The following THSD7A variants were observed in gnomAD, a reference collection of about 807,000 sequenced individuals.
The protein encoded by THSD7A is thrombospondin type 1 domain containing 7A, also known as thrombospondin type-1 domain-containing protein 7A.
THSD7A carries 96 observed loss-of-function variants against 231.3 expected under a neutral mutation model. The observed-to-expected ratio is 0.41, with a 90% CI of 0.35 to 0.49. The LOEUF is 0.49. Among genes scored for constraint, THSD7A ranks in the 20% least tolerant of loss-of-function variants. The probability of loss-of-function intolerance (pLI) is 0.05; values close to 1 mark genes in which losing one functional copy is unlikely to be tolerated. For synonymous variants in THSD7A, 940 were observed against 743.3 expected (o/e 1.26, Z -4.30); for missense variants, 2,290 against 2,070.2 (o/e 1.11, Z -2.06).
At chr7:11,394,184 C>T (rs185779155) in intron 23 of THSD7A, among the ~76,000 whole-genome samples, 228 of 152,324 alleles carry the variant, frequency 1.5e-3, no homozygotes, top group South Asian at 2.9e-3. Flanking sequence ...AGAAATCCTA[C>T]GAGCCAGAAG....
chr7:11,491,068 C>A (rs1329354504), intron 6 of THSD7A, among the ~76,000 whole-genome samples: 1 of 152,012 alleles, frequency 6.6e-6, no homozygotes, highest in Non-Finnish European at 1.5e-5. Context: ...TGTACTTAAT[C>A]ATTTTTTCCG....
rs766657071 is a variant in THSD7A at position 11,752,225 on chromosome 7, G to A, written c.190+79532C>T. The stretch of plus-strand genomic sequence containing the variant: ...TTCAAGGCTCCTTATCACACATTCC[G>A]TTCCTTGCCCTGTTTTCAGGGTCGA... On this transcript the variant is annotated intron_variant, in intron 1 of 27. Transcript: ENST00000423059. Among the ~76,000 whole-genome samples the A allele has an allele frequency of 2.4e-4, 37 of 151,956 alleles. 1 individual carries two copies. Among genetic ancestry groups the A allele is most frequent in the Admixed American group, 1.2e-3 (19 of 15,240 alleles).
chr7:11,789,995 T>C (rs1015274570), intron 1 of THSD7A, among the ~76,000 whole-genome samples: 4 of 151,998 alleles, frequency 2.6e-5, no homozygotes, highest in African/African-American at 9.7e-5. Context: ...CAAAAAGTTA[T>C]AAAAATTCAC....
intron 6 of THSD7A, among the ~76,000 whole-genome samples, chr7:11,488,305 A>C (rs1282473124): frequency 2.6e-5 from 4 of 152,166 alleles, no homozygotes; most frequent in African/African-American, 7.2e-5. Flanking sequence ...AACCAATAAA[A>C]GTTTACAAAA....
At chr7:11,527,388 A>T (rs1047012113) in intron 6 of THSD7A, among the ~76,000 whole-genome samples, 1 of 151,134 alleles carries the variant, frequency 6.6e-6, no homozygotes, top group Non-Finnish European at 1.5e-5. Context: ...AATTGGCCAA[A>T]ATATATATAT....
rs78062247 is a variant in THSD7A at position 11,756,568 on chromosome 7, G to A, written c.190+75189C>T. Among the ~76,000 whole-genome samples the A allele has an allele frequency of 1.5e-3, 224 of 151,992 alleles. 3 individuals are homozygous for A. In the East Asian group the frequency reaches 0.033, roughly 22 times the overall value. On this transcript the variant is annotated intron_variant, in intron 1 of 27. Transcript: ENST00000423059. ...ACAAGAAAGGCTTTAGTAAAATCAC[G>A]GGGACAGAAAGCAAATCACAGGACA... is the stretch of plus-strand genomic sequence containing the variant.
intron 2 of THSD7A, among the ~76,000 whole-genome samples, chr7:11,598,385 G>C (rs1322171364): frequency 6.6e-6 from 1 of 152,176 alleles, no homozygotes; most frequent in Admixed American, 6.5e-5. Context: ...TGGATAGGAT[G>C]ACCTGTTCTG....
At chr7:11,500,734 A>G (rs1787297569) in intron 6 of THSD7A, among the ~76,000 whole-genome samples, 1 of 152,024 alleles carries the variant, frequency 6.6e-6, no homozygotes, top group African/African-American at 2.4e-5. Flanking sequence ...GGTAGGTTCA[A>G]GATCAGCCTG....
At chr7:11,762,681 G>A (rs762370137) in intron 1 of THSD7A, among the ~76,000 whole-genome samples, 1 of 151,980 alleles carries the variant, frequency 6.6e-6, no homozygotes, top group Non-Finnish European at 1.5e-5. Flanking sequence ...TCCCATTCTG[G>A]AAGTTGTCTG....
At chr7:11,694,908 G>T (rs1780341924) in intron 1 of THSD7A, among the ~76,000 whole-genome samples, 1 of 151,482 alleles carries the variant, frequency 6.6e-6, no homozygotes, top group South Asian at 2.1e-4. Flanking sequence ...CTTTCATATT[G>T]TAATGATGTG....
At chr7:11,689,355 T>A (rs564721412) in intron 1 of THSD7A, among the ~76,000 whole-genome samples, 1 of 151,958 alleles carries the variant, frequency 6.6e-6, no homozygotes, top group South Asian at 2.1e-4. Context: ...AATAGAGAAG[T>A]AATTTTTACT....
intron 1 of THSD7A, among the ~76,000 whole-genome samples, chr7:11,824,697 G>T (rs1784974181): frequency 6.6e-6 from 1 of 152,008 alleles, no homozygotes; most frequent in Non-Finnish European, 1.5e-5. Flanking sequence ...AGCACTGATG[G>T]TGCTATATAA....
intron 1 of THSD7A, among the ~76,000 whole-genome samples, chr7:11,755,870 T>G (rs1782657858): frequency 6.6e-6 from 1 of 152,112 alleles, no homozygotes; most frequent in South Asian, 2.1e-4. Flanking sequence ...CAAAAGGAAT[T>G]AATGTGTAAT....
intron 14 of THSD7A, among the ~76,000 whole-genome samples, chr7:11,426,934 G>C (rs1784340745): frequency 6.6e-6 from 1 of 152,164 alleles, no homozygotes; most frequent in Non-Finnish European, 1.5e-5. Context: ...GCAGGATGGA[G>C]AAATCTTAGA....
At chr7:11,455,285 A>G (rs1785270491) in intron 11 of THSD7A, among the ~76,000 whole-genome samples, 1 of 152,032 alleles carries the variant, frequency 6.6e-6, no homozygotes, top group Non-Finnish European at 1.5e-5. Flanking sequence ...AAGCTACTTG[A>G]TCTATAGTGT....
intron 1 of THSD7A, among the ~76,000 whole-genome samples, chr7:11,796,990 A>G (rs1295583328): frequency 1.3e-5 from 2 of 152,022 alleles, no homozygotes; most frequent in East Asian, 3.9e-4. Flanking sequence ...TTCTGATTTG[A>G]CTTGAATGTC....
At chr7:11,824,225 A>C (rs1379414396) in intron 1 of THSD7A, among the ~76,000 whole-genome samples, 3 of 152,086 alleles carry the variant, frequency 2.0e-5, no homozygotes, top group Admixed American at 1.3e-4. Flanking sequence ...ATTAAGGGCC[A>C]GTCTAATGTG....
chr7:11,688,156 C>T lies in THSD7A; in HGVS notation c.191-51195G>A, dbSNP rs1441149494. 1.5e-4 allele frequency among the ~76,000 whole-genome samples: 23 copies of T among 148,570 alleles called. 1 individual carries two copies. Among genetic ancestry groups the T allele is most frequent in the Admixed American group, 1.5e-3 (22 of 14,528 alleles). ...ATTCCCACCTATGAGTGAGAACATGCGGTGGTTTTTTGTCCTTGTGATAGT... is the reference window on the plus strand; with the variant it reads ...ATTCCCACCTATGAGTGAGAACATGTGGTGGTTTTTTGTCCTTGTGATAGT... On this transcript the variant is annotated intron_variant, in intron 1 of 27. Coordinates refer to ENST00000423059, the MANE Select transcript of THSD7A (RefSeq NM_015204.3).
intron 4 of THSD7A, among the ~76,000 whole-genome samples, chr7:11,562,530 A>G (rs114055212): frequency 0.012 from 1,777 of 152,202 alleles, 36 homozygotes; most frequent in African/African-American, 0.041. Context: ...TTCTTAAATT[A>G]GCATTTTATT....
Sources: gnomAD v4.1 joint callset for allele counts (sites outside exome capture counted in the v4.1 genomes callset) on GRCh38, gnomAD v4.1.1 for gene constraint, MANE v1.5 for transcripts, NCBI Gene and HGNC (gene_info 2026-07-23, HGNC 2026-07-21) for gene names.